The following MACROD2 variants were observed in gnomAD, a reference collection of about 807,000 sequenced individuals.
The protein encoded by MACROD2 is ADP-ribose glycohydrolase MACROD2.
Under a neutral mutation model 70.4 loss-of-function variants are expected in MACROD2, and 36 were observed. The observed-to-expected ratio is 0.51, with a 90% CI of 0.39 to 0.68. The LOEUF (loss-of-function observed/expected upper bound fraction) is 0.68. Ranked by LOEUF, MACROD2 falls within the 30% of genes least tolerant of loss-of-function variation. The pLI is 0.00. For synonymous variants in MACROD2, 172 were observed against 178.8 expected (o/e 0.96, Z 0.30); for missense variants, 496 against 538.4 (o/e 0.92, Z 0.78).
rs369052292 is a variant in MACROD2, at chr20:14,401,225, T to C, written c.272-92254T>C. 5.5e-4 allele frequency among the ~76,000 whole-genome samples: 84 copies of C among 152,332 alleles called. 1 individual carries two copies. The highest frequency in any genetic ancestry group is 2.0e-3 in the African/African-American group (82 of 41,582). On this transcript the variant is annotated intron_variant, in intron 3 of 17. Coordinates refer to ENST00000684519, the MANE Select transcript of MACROD2 (RefSeq NM_001351661.2). ...TTTCCATTCCAGTAGGTTGATTCCA[T>C]GTGTTTGCTATTGTGAATAGTGCTG...
At chr20:15,191,931 T>G (rs199302) in intron 5 of MACROD2, among the ~76,000 whole-genome samples, 39,378 of 142,124 alleles carry the variant, frequency 0.28, 6,030 homozygotes, top group Middle Eastern at 0.38. Flanking sequence ...TATATATATA[T>G]AGAGAGAGAG....
intron 3 of MACROD2, among the ~76,000 whole-genome samples, chr20:14,172,494 G>A (rs763267828): frequency 4.6e-5 from 7 of 151,902 alleles, no homozygotes; most frequent in Non-Finnish European, 5.9e-5. Context: ...TAGTAGAGAC[G>A]GGGTTTTGCC....
At chr20:14,658,064 A>G (rs2123526718) in intron 4 of MACROD2, among the ~76,000 whole-genome samples, 1 of 152,042 alleles carries the variant, frequency 6.6e-6, no homozygotes, top group Non-Finnish European at 1.5e-5. Context: ...AGCCTTATTT[A>G]AAGTAAATTA....
intron 4 of MACROD2, among the ~76,000 whole-genome samples, chr20:14,638,003 G>T (rs557340794): frequency 1.2e-4 from 18 of 152,014 alleles, no homozygotes; most frequent in African/African-American, 4.1e-4. Flanking sequence ...TCTGAAGTCT[G>T]AATTATGATT....
chr20:14,131,827 C>G (rs1243336230), intron 3 of MACROD2, among the ~76,000 whole-genome samples: 1 of 151,906 alleles, frequency 6.6e-6, no homozygotes, highest in Non-Finnish European at 1.5e-5. Flanking sequence ...TTAAGAGATT[C>G]TCTTACGGTT....
At chr20:15,060,550 G>C (rs2075524152) in intron 5 of MACROD2, among the ~76,000 whole-genome samples, 1 of 152,076 alleles carries the variant, frequency 6.6e-6, no homozygotes. Flanking sequence ...AGATTGACTG[G>C]ATGGTGACTT....
chr20:15,635,566 A>G (rs936525576), intron 8 of MACROD2, among the ~76,000 whole-genome samples: 2 of 151,762 alleles, frequency 1.3e-5, no homozygotes, highest in African/African-American at 4.8e-5. Flanking sequence ...AGATGCAACA[A>G]TAGACATTGA....
At chr20:15,400,254 C>T (rs1007466005) in intron 6 of MACROD2, among the ~76,000 whole-genome samples, 6 of 152,074 alleles carry the variant, frequency 3.9e-5, no homozygotes, top group Non-Finnish European at 7.4e-5. Context: ...GGCAGCTGCC[C>T]CAGTTTAGCT....
Position 14,404,843 on chromosome 20 carries a change from A to G in MACROD2, c.272-88636A>G, listed in dbSNP as rs146568017. ...TGCAACACTAGAAATGAATCCAAATACAGTATCTATCAGTAATTACAATAA... is the reference window on the plus strand; with the variant it reads ...TGCAACACTAGAAATGAATCCAAATGCAGTATCTATCAGTAATTACAATAA... On this transcript the variant is annotated intron_variant, in intron 3 of 17. Coordinates refer to ENST00000684519, the MANE Select transcript of MACROD2 (RefSeq NM_001351661.2). 4.1e-4 allele frequency among the ~76,000 whole-genome samples: 62 copies of G among 152,204 alleles called. 1 individual carries two copies. The highest frequency in any genetic ancestry group is 3.9e-4 in the East Asian group (2 of 5,186).
intron 2 of MACROD2, among the ~76,000 whole-genome samples, chr20:14,062,136 GCCTTT>G (rs2053697898): frequency 6.6e-6 from 1 of 152,126 alleles, no homozygotes; most frequent in Non-Finnish European, 1.5e-5. Context: ...TTTGATATAA[GCCTTT>G]CTATTATTGT....
At chr20:14,218,452 C>CT (rs1160966303) in intron 3 of MACROD2, among the ~76,000 whole-genome samples, 1 of 152,168 alleles carries the variant, frequency 6.6e-6, no homozygotes, top group Non-Finnish European at 1.5e-5. Flanking sequence ...TTGGTGAGTT[C>CT]TTATCCATTC....
chr20:14,388,718 T>C (rs1204596380), intron 3 of MACROD2, among the ~76,000 whole-genome samples: 2 of 152,182 alleles, frequency 1.3e-5, no homozygotes, highest in East Asian at 1.9e-4. Context: ...CAAGCAATTC[T>C]ATTTTTTTTT....
At chr20:14,992,238 A>G (rs1400411299) in intron 5 of MACROD2, among the ~76,000 whole-genome samples, 1 of 152,180 alleles carries the variant, frequency 6.6e-6, no homozygotes, top group Non-Finnish European at 1.5e-5. Flanking sequence ...AACATTCATC[A>G]TAGAAAGAAT....
At chr20:14,566,460 G>A (rs886632957) in intron 4 of MACROD2, 10 of 151,920 alleles carry the variant, frequency 6.6e-5, no homozygotes, top group Admixed American at 3.9e-4. Context: ...GGATTGCTGA[G>A]TCAAAAGTTA....
chr20:14,901,144 GTAT>G (rs1167993199), intron 5 of MACROD2, among the ~76,000 whole-genome samples: 2 of 151,996 alleles, frequency 1.3e-5, no homozygotes, highest in Non-Finnish European at 2.9e-5. Flanking sequence ...ATGGAAGATA[GTAT>G]TATTCTATAA....
chr20:16,019,960 A>G (rs1317544729), intron 15 of MACROD2, among the ~76,000 whole-genome samples: 1 of 152,168 alleles, frequency 6.6e-6, no homozygotes, highest in Non-Finnish European at 1.5e-5. Flanking sequence ...TGACTATCCA[A>G]GAAGCTGAGA....
chr20:14,914,551 T>A (rs1236903530), intron 5 of MACROD2, among the ~76,000 whole-genome samples: 1 of 152,198 alleles, frequency 6.6e-6, no homozygotes, highest in African/African-American at 2.4e-5. Flanking sequence ...AACATTCTCT[T>A]ACAATGTGAT....
Position 14,931,851 on chromosome 20 carries a change from C to T in MACROD2, c.418+246892C>T, listed in dbSNP as rs528385638. Among the ~76,000 whole-genome samples the T allele has an allele frequency of 1.2e-4, 18 of 149,280 alleles. No individual in the cohort carries two copies. The East Asian group carries it at 3.6e-3, about 29-fold the overall frequency. On this transcript the variant is annotated intron_variant, in intron 5 of 17. Coordinates refer to ENST00000684519, the MANE Select transcript of MACROD2 (RefSeq NM_001351661.2). ...CCATCTCTTAAAAAAAAAAAATTAG[C>T]TGGGTGTGATGACACATGCACATGC...
At chr20:14,325,966 T>C (rs1362185997) in intron 3 of MACROD2, 13 of 1,613,626 alleles carry the variant, frequency 8.1e-6, no homozygotes, top group Non-Finnish European at 1.0e-5. Context: ...TTGCTCTCGA[T>C]TGAGGGTGGT....
Sources: gnomAD v4.1 joint callset for allele counts (sites outside exome capture counted in the v4.1 genomes callset) on GRCh38, gnomAD v4.1.1 for gene constraint, MANE v1.5 for transcripts, NCBI Gene and HGNC (gene_info 2026-07-23, HGNC 2026-07-21) for gene names.